Variants in S100Z observed in about 807,000 individuals in gnomAD.
S100Z encodes protein S100-Z.
In S100Z, 11 loss-of-function variants were observed where a neutral mutation model predicts 8.5. That is an observed-to-expected ratio of 1.30 (90% CI 0.82 to 2.15). S100Z has a LOEUF of 2.15. Among genes scored for constraint, S100Z ranks in the 30% most tolerant of loss-of-function variants. The probability of loss-of-function intolerance (pLI) is 0.00; values close to 1 mark genes in which losing one functional copy is unlikely to be tolerated. For synonymous variants in S100Z, 34 were observed against 43.8 expected (o/e 0.78, Z 0.89); for missense variants, 126 against 117.9 (o/e 1.07, Z -0.32).
At chr5:76,922,030 C>A (rs1745057797), downstream of S100Z, among the ~76,000 whole-genome samples, 2 of 151,592 alleles carry the variant, frequency 1.3e-5, no homozygotes, top group Admixed American at 1.3e-4. Context: ...TCCTAGGTAC[C>A]ATTTCATTTT....
chr5:76,950,367 C>T, the S100Z span, among the ~76,000 whole-genome samples: 1 of 152,184 alleles, frequency 6.6e-6, no homozygotes, highest in Non-Finnish European at 1.5e-5. Flanking sequence ...CAGAAGTTCT[C>T]TGTGTGTGTC....
chr5:76,912,250 A>G (rs1425130147), intron 4 of S100Z, among the ~76,000 whole-genome samples: 1 of 152,178 alleles, frequency 6.6e-6, no homozygotes, highest in Non-Finnish European at 1.5e-5. Flanking sequence ...CCGGTGCTTC[A>G]AATACATATG....
intron 4 of S100Z, among the ~76,000 whole-genome samples, chr5:76,883,605 A>C (rs1743491297): frequency 6.6e-6 from 1 of 152,156 alleles, no homozygotes; most frequent in African/African-American, 2.4e-5. Flanking sequence ...AGGGTCTGTG[A>C]TGGTCCAGGG....
intron 2 of S100Z, among the ~76,000 whole-genome samples, chr5:76,873,098 A>G (rs1023647519): frequency 6.6e-6 from 1 of 152,234 alleles, no homozygotes; most frequent in African/African-American, 2.4e-5. Flanking sequence ...ATGCTAATTG[A>G]CCAGCACAGG....
At chr5:76,872,520 G>A (rs1481316105) in intron 2 of S100Z, among the ~76,000 whole-genome samples, 1 of 151,494 alleles carries the variant, frequency 6.6e-6, no homozygotes, top group African/African-American at 2.4e-5. Context: ...AATTAGTCAG[G>A]CATGATAACA....
chr5:76,898,515 G>T (rs1222389084), intron 4 of S100Z, among the ~76,000 whole-genome samples: 2 of 152,086 alleles, frequency 1.3e-5, no homozygotes, highest in African/African-American at 4.8e-5. Flanking sequence ...ATCATAAAGG[G>T]ATGTTGAATT....
At chr5:76,910,817 C>G (rs1447515655) in intron 4 of S100Z, among the ~76,000 whole-genome samples, 3 of 152,216 alleles carry the variant, frequency 2.0e-5, no homozygotes, top group Non-Finnish European at 2.9e-5. Flanking sequence ...AATCTCCTGT[C>G]TTGGATGACT....
At position 76,902,414 on chromosome 5, in the gene S100Z, A is replaced by G. The variant is rs528316901; in HGVS notation, c.*3-18303A>G. Among the ~76,000 whole-genome samples, 39 of 152,302 alleles carry G rather than the reference A, an allele frequency of 2.6e-4. No homozygotes were observed. The South Asian group carries it at 3.5e-3, about 14-fold the overall frequency. ...CTCTAACAGGACAGCACTGAGTTCA[A>G]TGCTTCACAATTGCAGTGTTCTCCC... On this transcript the variant is annotated intron_variant, in intron 4 of 4. Transcript: ENST00000317593.
chr5:76,854,089 C>T (rs576809578), intron 1 of S100Z, among the ~76,000 whole-genome samples: 60 of 152,272 alleles, frequency 3.9e-4, no homozygotes, highest in East Asian at 2.7e-3. Context: ...GCTTCCTGTA[C>T]GGCCTGTGGA....
intron 4 of S100Z, among the ~76,000 whole-genome samples, chr5:76,896,202 C>T (rs1454303040): frequency 6.6e-6 from 1 of 152,122 alleles, no homozygotes; most frequent in African/African-American, 2.4e-5. Flanking sequence ...CCTTCCCAGT[C>T]TCTAGTAACC....
rs141089659 is a variant in S100Z at position 76,854,260 on chromosome 5, C to T, written c.-176+4105C>T. Among the ~76,000 whole-genome samples the T allele has an allele frequency of 5.7e-4, 87 of 152,240 alleles. 1 individual carries two copies. The East Asian group carries it at 0.015, about 26-fold the overall frequency. On this transcript the variant is annotated intron_variant, in intron 1 of 4. Coordinates refer to ENST00000317593, the MANE Select transcript of S100Z (RefSeq NM_130772.4). ...TGAAAGCGACTTTGGAACTGGGTAACGGGCACAGGTTGGAAGAGTCTGGAG... is the reference window on the plus strand; with the variant it reads ...TGAAAGCGACTTTGGAACTGGGTAATGGGCACAGGTTGGAAGAGTCTGGAG...
the S100Z span, among the ~76,000 whole-genome samples, chr5:76,952,208 C>T: frequency 1.3e-5 from 2 of 152,198 alleles, no homozygotes; most frequent in African/African-American, 4.8e-5. Context: ...AATAAAGCTT[C>T]CTGGCAGTTC....
At chr5:76,931,837 G>A in the S100Z span, among the ~76,000 whole-genome samples, 1 of 151,960 alleles carries the variant, frequency 6.6e-6, no homozygotes. Context: ...AAGTCTCAGT[G>A]TGTAAAATTT....
downstream of S100Z, among the ~76,000 whole-genome samples, chr5:76,926,476 G>T (rs1246770696): frequency 2.0e-5 from 3 of 152,174 alleles, no homozygotes; most frequent in African/African-American, 7.2e-5. Context: ...GTGGAAGTGG[G>T]TGGGGCTAAA....
chr5:76,909,601 C>G (rs529678882), intron 4 of S100Z, among the ~76,000 whole-genome samples: 1 of 152,246 alleles, frequency 6.6e-6, no homozygotes, highest in South Asian at 2.1e-4. Flanking sequence ...AATGATAAGC[C>G]TCCTCTAATC....
intron 4 of S100Z, among the ~76,000 whole-genome samples, chr5:76,894,245 C>T (rs1743959542): frequency 6.6e-6 from 1 of 152,174 alleles, no homozygotes. Flanking sequence ...CAAACTCAAC[C>T]AATTGTCAAC....
chr5:76,880,224 A>G (rs1252270778), intron 4 of S100Z, among the ~76,000 whole-genome samples: 2 of 152,196 alleles, frequency 1.3e-5, no homozygotes, highest in Non-Finnish European at 2.9e-5. Context: ...TCATGAGTTA[A>G]GGCTATTTTC....
chr5:76,864,549 G>T (rs1008944651), intron 1 of S100Z, among the ~76,000 whole-genome samples: 1 of 150,240 alleles, frequency 6.7e-6, no homozygotes, highest in Non-Finnish European at 1.5e-5. Flanking sequence ...AACCACAGGC[G>T]CATGACACCA....
chr5:76,903,768 C>T (rs897098483), intron 4 of S100Z, among the ~76,000 whole-genome samples: 4 of 151,496 alleles, frequency 2.6e-5, no homozygotes. Context: ...CTCTGTTGCC[C>T]AGGCTGGAGT....
Sources: gnomAD v4.1 joint callset for allele counts (sites outside exome capture counted in the v4.1 genomes callset) on GRCh38, gnomAD v4.1.1 for gene constraint, MANE v1.5 for transcripts, NCBI Gene and HGNC (gene_info 2026-07-23, HGNC 2026-07-21) for gene names.